Variants in FBXL7 observed in about 807,000 individuals in gnomAD.
FBXL7 encodes the protein F-box/LRR-repeat protein 7.
A neutral mutation model predicts 38.3 loss-of-function variants in FBXL7; 12 were observed. The ratio of observed to expected loss-of-function variants is 0.31; its 90% CI spans 0.20 to 0.51. The LOEUF is 0.51. Ranked by LOEUF, FBXL7 falls within the 20% of genes least tolerant of loss-of-function variation. The pLI is 0.98. For missense variants in FBXL7, 567 were observed against 676.4 expected, an observed-to-expected ratio of 0.84 and a Z score of 1.79; for synonymous variants, 297 against 300.9, an observed-to-expected ratio of 0.99 and a Z score of 0.13.
At chr5:15,863,403 A>C (rs1480073208) in intron 2 of FBXL7, among the ~76,000 whole-genome samples, 1 of 152,212 alleles carries the variant, frequency 6.6e-6, no homozygotes, top group Non-Finnish European at 1.5e-5. Context: ...ATATAGAGTT[A>C]TATTCACATA....
intron 2 of FBXL7, among the ~76,000 whole-genome samples, chr5:15,771,361 G>A (rs935698661): frequency 6.6e-6 from 1 of 152,176 alleles, no homozygotes; most frequent in African/African-American, 2.4e-5. Context: ...AATATTTTTA[G>A]TGGGACTCTA....
chr5:15,747,729 A>C (rs1316872341), intron 2 of FBXL7, among the ~76,000 whole-genome samples: 9 of 152,160 alleles, frequency 5.9e-5, no homozygotes, highest in Admixed American at 5.9e-4. Flanking sequence ...CCTGATGTAG[A>C]GCCATAAGGG....
At chr5:15,517,372 G>C (rs1485733236) in intron 1 of FBXL7, among the ~76,000 whole-genome samples, 2 of 152,212 alleles carry the variant, frequency 1.3e-5, no homozygotes, top group Non-Finnish European at 2.9e-5. Flanking sequence ...TTCAGTGAAA[G>C]ACGCCAGCCT....
At chr5:15,782,989 G>A (rs953262099) in intron 2 of FBXL7, among the ~76,000 whole-genome samples, 2 of 152,178 alleles carry the variant, frequency 1.3e-5, no homozygotes, top group African/African-American at 2.4e-5. Flanking sequence ...CCAAACAGCT[G>A]TGTGATTTTC....
At chr5:15,837,501 G>T (rs984594088) in intron 2 of FBXL7, among the ~76,000 whole-genome samples, 1 of 152,128 alleles carries the variant, frequency 6.6e-6, no homozygotes, top group Non-Finnish European at 1.5e-5. Flanking sequence ...GTTTAGTGAT[G>T]ATAAACTTGT....
rs182388137 is a variant in FBXL7, at chr5:15,856,107, G to A, written c.128-71783G>A. On this transcript the variant is annotated intron_variant, in intron 2 of 3. Coordinates refer to ENST00000504595, the MANE Select transcript of FBXL7 (RefSeq NM_012304.5). ...TGGACATATACTTCCATGTGGCTGG[G>A]GAGATCTCAGAATCATGACAGGGAG... Among the ~76,000 whole-genome samples the A allele has an allele frequency of 3.3e-5, 5 of 152,230 alleles. No homozygotes were observed. The East Asian group carries it at 9.7e-4, about 29-fold the overall frequency.
intron 2 of FBXL7, among the ~76,000 whole-genome samples, chr5:15,698,968 C>T (rs1284701635): frequency 2.0e-5 from 3 of 152,302 alleles, no homozygotes; most frequent in Middle Eastern, 3.4e-3. Context: ...AGATGGAACT[C>T]AGGAACTTGT....
intron 2 of FBXL7, among the ~76,000 whole-genome samples, chr5:15,649,056 G>C (rs983466794): frequency 1.3e-5 from 2 of 152,082 alleles, no homozygotes; most frequent in African/African-American, 4.8e-5. Context: ...GAGTGCAGTG[G>C]CATGATCTTG....
At chr5:15,652,346 A>C (rs1741738820) in intron 2 of FBXL7, among the ~76,000 whole-genome samples, 1 of 152,094 alleles carries the variant, frequency 6.6e-6, no homozygotes, top group African/African-American at 2.4e-5. Context: ...GGCTCACTGC[A>C]ATCTCTGCCT....
intron 2 of FBXL7, among the ~76,000 whole-genome samples, chr5:15,644,998 T>A (rs980985853): frequency 6.6e-6 from 1 of 152,182 alleles, no homozygotes; most frequent in Non-Finnish European, 1.5e-5. Context: ...TGACTGACCC[T>A]GATATTTAGC....
In FBXL7 at chr5:15,930,290, T is replaced by A. The variant is rs541861407; in HGVS notation, c.739+1789T>A. On this transcript the variant is annotated intron_variant, in intron 3 of 3. Coordinates refer to ENST00000504595, the MANE Select transcript of FBXL7 (RefSeq NM_012304.5). ...TTTGTGATTTAGAAAAGTTCACAGC[T>A]TTTTCTAGATGTGTTTCCTCTTCAT... Among the ~76,000 whole-genome samples, 833 of 152,324 alleles carry A rather than the reference T, an allele frequency of 5.5e-3. 5 individuals are homozygous for A. The highest frequency in any genetic ancestry group is 0.019 in the African/African-American group (790 of 41,566).
intron 2 of FBXL7, among the ~76,000 whole-genome samples, chr5:15,854,069 C>A (rs1739182566): frequency 6.6e-6 from 1 of 152,146 alleles, no homozygotes. Flanking sequence ...TTGGGAGTTT[C>A]CTTACTCTGA....
At chr5:15,657,107 C>T (rs1741909090) in intron 2 of FBXL7, among the ~76,000 whole-genome samples, 2 of 152,148 alleles carry the variant, frequency 1.3e-5, no homozygotes, top group South Asian at 2.1e-4. Flanking sequence ...AGACAGACCA[C>T]GTTCCTGGAT....
intron 1 of FBXL7, among the ~76,000 whole-genome samples, chr5:15,523,596 G>A (rs1217090558): frequency 6.6e-6 from 1 of 151,980 alleles, no homozygotes; most frequent in Non-Finnish European, 1.5e-5. Flanking sequence ...TTGGAGGTGA[G>A]CAGTCCGGAT....
At chr5:15,531,539 A>G (rs1017070494) in intron 1 of FBXL7, among the ~76,000 whole-genome samples, 1 of 152,226 alleles carries the variant, frequency 6.6e-6, no homozygotes, top group Non-Finnish European at 1.5e-5. Context: ...TGGTCTGGCT[A>G]TATGGCCTGG....
At chr5:15,723,171 G>A (rs1744248686) in intron 2 of FBXL7, among the ~76,000 whole-genome samples, 1 of 152,138 alleles carries the variant, frequency 6.6e-6, no homozygotes, top group Admixed American at 6.5e-5. Flanking sequence ...TTATGATTCA[G>A]TGTAGGGTGA....
chr5:15,655,928 C>T (rs1741867375), intron 2 of FBXL7, among the ~76,000 whole-genome samples: 1 of 152,214 alleles, frequency 6.6e-6, no homozygotes, highest in Admixed American at 6.5e-5. Flanking sequence ...AGTACTTTCC[C>T]TGCCAGAACT....
intron 2 of FBXL7, among the ~76,000 whole-genome samples, chr5:15,705,015 G>A (rs1221285126): frequency 1.3e-5 from 2 of 151,302 alleles, no homozygotes; most frequent in Admixed American, 6.6e-5. Context: ...TTTTTATCTC[G>A]TTTAAAATGG....
intron 2 of FBXL7, among the ~76,000 whole-genome samples, chr5:15,673,902 A>G (rs1047313545): frequency 6.6e-6 from 1 of 152,308 alleles, no homozygotes; most frequent in East Asian, 1.9e-4. Flanking sequence ...CTCAAAGACA[A>G]CTTACTGGAA....
Sources: gnomAD v4.1 joint callset for allele counts (sites outside exome capture counted in the v4.1 genomes callset) on GRCh38, gnomAD v4.1.1 for gene constraint, MANE v1.5 for transcripts, NCBI Gene and HGNC (gene_info 2026-07-23, HGNC 2026-07-21) for gene names.